ZNF365: variants seen among roughly 807,000 people sequenced by gnomAD.
ZNF365 encodes protein ZNF365.
In ZNF365, 22 loss-of-function variants were observed where a neutral mutation model predicts 35.0. The observed-to-expected ratio is 0.63, with a 90% confidence interval of 0.45 to 0.90. The LOEUF (loss-of-function observed/expected upper bound fraction) is 0.90, where lower values mean the gene tolerates loss of function less well. Among genes scored for constraint, ZNF365 ranks in the 40% least tolerant of loss-of-function variants. The pLI, the probability that ZNF365 is intolerant of heterozygous loss-of-function variation, is 0.00. For missense variants in ZNF365, 448 were observed against 500.3 expected, an observed-to-expected ratio of 0.90 and a Z score of 1.00; for synonymous variants, 188 against 196.2, an observed-to-expected ratio of 0.96 and a Z score of 0.35.
chr10:62,411,350 C>T (rs1323489224), intron 3 of ZNF365, among the ~76,000 whole-genome samples: 1 of 151,992 alleles, frequency 6.6e-6, no homozygotes, highest in Admixed American at 6.6e-5. Context: ...GAAATCTGTG[C>T]CTGTGTCTAT....
rs918846805 is a variant in ZNF365 at position 62,400,251 on chromosome 10, G to A, written c.*462G>A. 6 of 988,390 alleles carry A rather than the reference G, an allele frequency of 6.1e-6. No homozygotes were observed. The highest frequency in any genetic ancestry group is 7.2e-6 in the Non-Finnish European group (6 of 831,544). The allele number at this position is 988,390 out of a possible 1,614,324, so 61.2% of individuals were successfully genotyped here. On this transcript the variant is annotated 3_prime_UTR_variant, in exon 5 of 5. Coordinates refer to ENST00000395254, the MANE Select transcript of ZNF365 (RefSeq NM_014951.3). Reference sequence around the variant, plus strand: ...GTAAAATGAAAATATTTGTGTTTGTGTATAACCTTCCCCTCAGCTAATTTG... The same window carrying A: ...GTAAAATGAAAATATTTGTGTTTGTATATAACCTTCCCCTCAGCTAATTTG...
intron 4 of ZNF365, among the ~76,000 whole-genome samples, chr10:62,469,720 C>A (rs1841002303): frequency 6.6e-6 from 1 of 151,978 alleles, no homozygotes; most frequent in East Asian, 1.9e-4. Flanking sequence ...TACTGTGTGC[C>A]AGGAACTAGG....
intron 3 of ZNF365, among the ~76,000 whole-genome samples, chr10:62,443,997 A>G (rs1286489545): frequency 6.6e-6 from 1 of 152,188 alleles, no homozygotes; most frequent in Non-Finnish European, 1.5e-5. Context: ...AGCATTCTCA[A>G]TGCCATCCAT....
intron 3 of ZNF365, among the ~76,000 whole-genome samples, chr10:62,422,975 TGTCTGAGG>T (rs909326199): frequency 1.3e-5 from 2 of 152,208 alleles, no homozygotes; most frequent in African/African-American, 4.8e-5. Context: ...CCTGATGAGT[TGTCTGAGG>T]AAGGAAATAT....
chr10:62,395,962 T>A (rs961325544), intron 3 of ZNF365, among the ~76,000 whole-genome samples: 1 of 152,128 alleles, frequency 6.6e-6, no homozygotes, highest in Non-Finnish European at 1.5e-5. Context: ...CTCCTCTCCC[T>A]AATCAAAAAG....
At chr10:62,464,017 AC>A (rs1250238401) in intron 4 of ZNF365, among the ~76,000 whole-genome samples, 1 of 152,238 alleles carries the variant, frequency 6.6e-6, no homozygotes, top group Non-Finnish European at 1.5e-5. Flanking sequence ...CAATAAAAAA[AC>A]AAAAGTCTTT....
chr10:62,436,707 C>T (rs1726597990), intron 3 of ZNF365, among the ~76,000 whole-genome samples: 1 of 152,044 alleles, frequency 6.6e-6, no homozygotes, highest in African/African-American at 2.4e-5. Context: ...TTGAGCAGAG[C>T]CAATTAACTG....
At chr10:62,423,616 A>G (rs1840207823) in intron 3 of ZNF365, among the ~76,000 whole-genome samples, 2 of 152,176 alleles carry the variant, frequency 1.3e-5, no homozygotes, top group South Asian at 4.1e-4. Flanking sequence ...TCTTAGTTCA[A>G]AAAGATATTT....
chr10:62,416,403 A>C (rs559905037), intron 3 of ZNF365, among the ~76,000 whole-genome samples: 32 of 152,242 alleles, frequency 2.1e-4, no homozygotes, highest in Admixed American at 1.2e-3. Context: ...TCTCTGAAGA[A>C]TGCTTTTCAT....
chr10:62,376,348 G>T lies in ZNF365; in HGVS notation c.155G>T (p.Ser52Ile), dbSNP rs746320265. Residue 52 changes from serine to isoleucine, a missense_variant, in exon 2 of 5, where the codon AGC becomes ATC. By Grantham distance (142) the Ser-to-Ile change is moderately radical (BLOSUM62 -2). Coordinates refer to ENST00000395254, the MANE Select transcript of ZNF365 (RefSeq NM_014951.3). ...SLRAHLEFSHSYEERTLLTKC... is the reference protein window; with the variant it reads ...SLRAHLEFSHIYEERTLLTKC... ...AGGGCCCATCTGGAGTTCAGTCACA[G>T]CTACGAAGAAAGAACCCTCTTGACA... 6.2e-7 allele frequency: 1 copy of T among 1,614,186 alleles called. No individual in the cohort carries two copies. Among genetic ancestry groups the T allele is most frequent in the Admixed American group, 1.7e-5 (1 of 60,022 alleles).
At chr10:62,443,127 A>G (rs1390480290) in intron 3 of ZNF365, among the ~76,000 whole-genome samples, 1 of 152,218 alleles carries the variant, frequency 6.6e-6, no homozygotes, top group African/African-American at 2.4e-5. Context: ...AGTGCCCGTG[A>G]TGACCTTTCA....
At chr10:62,390,594 A>G (rs1312562869) in intron 3 of ZNF365, among the ~76,000 whole-genome samples, 1 of 152,232 alleles carries the variant, frequency 6.6e-6, no homozygotes, top group African/African-American at 2.4e-5. Flanking sequence ...TTCTAGTTAG[A>G]TATGTACATG....
chr10:62,417,678 A>G (rs937808231), intron 3 of ZNF365, among the ~76,000 whole-genome samples: 53 of 151,170 alleles, frequency 3.5e-4, no homozygotes, highest in African/African-American at 1.1e-3. Flanking sequence ...TTTTTTTTTA[A>G]TACTTGGGGA....
At chr10:62,428,822 G>A (rs1255930953) in intron 3 of ZNF365, among the ~76,000 whole-genome samples, 3 of 152,186 alleles carry the variant, frequency 2.0e-5, no homozygotes, top group African/African-American at 7.2e-5. Context: ...TTTTTCAGGG[G>A]CTCTCCCAGT....
intron 3 of ZNF365, among the ~76,000 whole-genome samples, chr10:62,412,298 G>C (rs1233966889): frequency 1.3e-5 from 2 of 151,896 alleles, no homozygotes; most frequent in Non-Finnish European, 2.9e-5. Flanking sequence ...AAAATAACAA[G>C]AACCATATAT....
intron 3 of ZNF365, among the ~76,000 whole-genome samples, chr10:62,421,495 T>C (rs574040859): frequency 6.6e-6 from 1 of 152,262 alleles, no homozygotes; most frequent in African/African-American, 2.4e-5. Flanking sequence ...TAAAATGAAA[T>C]GTTAACCCAA....
chr10:62,479,277 A>G (rs191014886), intron 4 of ZNF365, among the ~76,000 whole-genome samples: 1 of 152,268 alleles, frequency 6.6e-6, no homozygotes, highest in Non-Finnish European at 1.5e-5. Context: ...AGAACATTTT[A>G]TAATTAGGAA....
chr10:62,380,283 A>T (rs866670752), intron 2 of ZNF365, among the ~76,000 whole-genome samples: 78 of 152,382 alleles, frequency 5.1e-4, no homozygotes, highest in African/African-American at 1.7e-3. Flanking sequence ...TGAGACAGCA[A>T]GACCAACCCT....
chr10:62,394,303 C>T (rs760451855), intron 3 of ZNF365, among the ~76,000 whole-genome samples: 8 of 152,128 alleles, frequency 5.3e-5, no homozygotes, highest in Admixed American at 2.0e-4. Context: ...ATTCAGGCTG[C>T]GGTAGTTAGC....
Sources: allele counts gnomAD v4.1 joint callset (sites outside exome capture counted in the v4.1 genomes callset), GRCh38; gene constraint gnomAD v4.1.1; transcripts MANE v1.5; gene names NCBI Gene and HGNC (gene_info 2026-07-23, HGNC 2026-07-21).